ANK2: variants seen among roughly 807,000 people sequenced by gnomAD.
The protein encoded by ANK2 is ankyrin 2.
Under a neutral mutation model 360.5 loss-of-function variants are expected in ANK2, and 83 were observed. That is an observed-to-expected ratio of 0.23 (90% CI 0.19 to 0.28). ANK2 has a LOEUF of 0.28. Among genes scored for constraint, ANK2 ranks in the 10% least tolerant of loss-of-function variants. ANK2 has a pLI of 1.00. For synonymous variants in ANK2, 1,740 were observed against 1,759.5 expected (o/e 0.99, Z 0.28); for missense variants, 4,201 against 4,795.7 (o/e 0.88, Z 3.66).
In ANK2 at chr4:113,373,306, C is replaced by T. The variant is rs121912706; in HGVS notation, c.11716C>T (p.Arg3906Trp). 2,018 of 1,613,992 alleles carry T rather than the reference C, an allele frequency of 1.3e-3. 1 individual carries two copies. The highest frequency in any genetic ancestry group is 1.5e-3 in the Non-Finnish European group (1,823 of 1,179,938). The change falls in exon 45 of 46, where the codon CGG becomes TGG. Residue 3906 changes from arginine (R) to tryptophan (W), a missense_variant. Physicochemically the swap from Arg to Trp is moderately radical, Grantham distance 101. Coordinates refer to ENST00000357077, the MANE Select transcript of ANK2 (RefSeq NM_001148.6). Reference sequence around the variant, plus strand: ...TCAGGTTACTAGGAAAATCATTAGGCGGTATGTATCCTCTGAAGGCACAGA... The same window carrying T: ...TCAGGTTACTAGGAAAATCATTAGGTGGTATGTATCCTCTGAAGGCACAGA... ...VKKVTRKIIR[R>W]YVSSEGTEKE...
chr4:112,758,933 A>C, the ANK2 span, among the ~76,000 whole-genome samples: 3 of 152,134 alleles, frequency 2.0e-5, no homozygotes, highest in Non-Finnish European at 2.9e-5. Flanking sequence ...ATTTCGAATC[A>C]CATAGCAACA....
chr4:113,365,215 G>C (rs2154054071), intron 41 of ANK2, 33 bp downstream of exon 41: 3 of 1,597,830 alleles, frequency 1.9e-6, no homozygotes, highest in Non-Finnish European at 2.6e-6. Flanking sequence ...GTGTGTGTGT[G>C]TGTGTGTGTG....
chr4:113,047,589 G>A (rs1327601251), upstream of ANK2, among the ~76,000 whole-genome samples: 2 of 152,112 alleles, frequency 1.3e-5, no homozygotes, highest in Non-Finnish European at 2.9e-5. Flanking sequence ...TGGGGAGTAG[G>A]AAATGGCATG....
At chr4:113,118,125 C>T (rs1198819575) in intron 1 of ANK2, among the ~76,000 whole-genome samples, 1 of 152,130 alleles carries the variant, frequency 6.6e-6, no homozygotes, top group Non-Finnish European at 1.5e-5. Context: ...GTTTCTTTCT[C>T]TTAAAATATT....
At chr4:113,108,159 C>T (rs1000201828) in intron 1 of ANK2, among the ~76,000 whole-genome samples, 1 of 152,010 alleles carries the variant, frequency 6.6e-6, no homozygotes, top group Non-Finnish European at 1.5e-5. Context: ...TAAACAATAC[C>T]TATTTGTAGG....
chr4:113,337,541 A>T (rs2153966484), intron 31 of ANK2, among the ~76,000 whole-genome samples: 1 of 152,320 alleles, frequency 6.6e-6, no homozygotes, highest in East Asian at 1.9e-4. Flanking sequence ...TATTCAGTAA[A>T]TATTAGTACT....
chr4:113,335,823 A>C (rs1174592517), intron 29 of ANK2, 23 bp from the exon 30 acceptor site: 2 of 1,600,080 alleles, frequency 1.2e-6, no homozygotes, highest in Non-Finnish European at 1.7e-6. Flanking sequence ...ATGTGAATGA[A>C]GGTGGGTCAT....
chr4:112,922,772 T>C (rs959477081), intron 2 of ANK2, among the ~76,000 whole-genome samples: 1 of 152,206 alleles, frequency 6.6e-6, no homozygotes, highest in African/African-American at 2.4e-5. Flanking sequence ...TATTTAACTA[T>C]GGTCAAAACC....
At chr4:113,075,590 A>G (rs568885495) in intron 1 of ANK2, among the ~76,000 whole-genome samples, 8 of 152,292 alleles carry the variant, frequency 5.3e-5, no homozygotes, top group African/African-American at 1.7e-4. Context: ...AAACTCATAG[A>G]TTCCAGAGGA....
intron 2 of ANK2, among the ~76,000 whole-genome samples, chr4:112,993,843 A>G (rs2047672896): frequency 6.6e-6 from 1 of 151,900 alleles, no homozygotes. Context: ...AATAGCCAGG[A>G]TTACAGGCAC....
chr4:113,058,715 A>G (rs1335293579), intron 1 of ANK2, among the ~76,000 whole-genome samples: 1 of 152,164 alleles, frequency 6.6e-6, no homozygotes, highest in African/African-American at 2.4e-5. Context: ...CCAATGGCCA[A>G]TAATTTAAAA....
intron 2 of ANK2, among the ~76,000 whole-genome samples, chr4:112,994,528 G>A (rs2047892839): frequency 6.6e-6 from 1 of 152,226 alleles, no homozygotes; most frequent in South Asian, 2.1e-4. Context: ...TACTCAGAAT[G>A]TAAGTTTTTA....
chr4:113,078,153 C>CACATACATAATCATGCTAAAGA (rs1270240254), intron 1 of ANK2, among the ~76,000 whole-genome samples: 4 of 152,174 alleles, frequency 2.6e-5, no homozygotes, highest in Non-Finnish European at 5.9e-5. Flanking sequence ...CTTTCTCAAG[C>CACATACATAATCATGCTAAAGA]ACATACATAA....
chr4:112,754,003 C>A, the ANK2 span, among the ~76,000 whole-genome samples: 1 of 150,912 alleles, frequency 6.6e-6, no homozygotes, highest in East Asian at 1.9e-4. Context: ...GAGGCTGAGG[C>A]ACGATAATCA....
intron 2 of ANK2, among the ~76,000 whole-genome samples, chr4:112,922,043 G>T (rs1393956431): frequency 6.6e-6 from 1 of 152,144 alleles, no homozygotes; most frequent in Non-Finnish European, 1.5e-5. Context: ...AACTTCTAAA[G>T]TTCCTTTTGA....
chr4:112,967,391 A>C (rs1378468934), intron 2 of ANK2, among the ~76,000 whole-genome samples: 1 of 152,252 alleles, frequency 6.6e-6, no homozygotes, highest in Non-Finnish European at 1.5e-5. Context: ...GCCAGAGCTG[A>C]AACTTGCAGC....
chr4:112,940,434 G>A (rs1023434375), intron 2 of ANK2, among the ~76,000 whole-genome samples: 1 of 152,116 alleles, frequency 6.6e-6, no homozygotes, highest in African/African-American at 2.4e-5. Flanking sequence ...AGGAGCTAGT[G>A]ACATTAAAAA....
intron 30 of ANK2, 75 bp downstream of exon 30, chr4:113,336,132 T>G (rs2093495488): frequency 2.1e-6 from 3 of 1,454,998 alleles, no homozygotes; most frequent in Middle Eastern, 2.4e-4. Flanking sequence ...TGTCAAGGAC[T>G]GTTACCTTTG....
intron 1 of ANK2, among the ~76,000 whole-genome samples, chr4:113,111,737 A>G (rs2094320392): frequency 6.6e-6 from 1 of 152,212 alleles, no homozygotes; most frequent in Admixed American, 6.5e-5. Flanking sequence ...ATAAAATATC[A>G]TTTATGAGAA....
Sources: allele counts gnomAD v4.1 joint callset (sites outside exome capture counted in the v4.1 genomes callset), GRCh38; gene constraint gnomAD v4.1.1; transcripts MANE v1.5; gene names NCBI Gene and HGNC (gene_info 2026-07-23, HGNC 2026-07-21).